The following FLT4 variants were observed in gnomAD, a reference collection of about 807,000 sequenced individuals.
FLT4 encodes the protein vascular endothelial growth factor receptor 3.
In FLT4, 30 loss-of-function variants were observed where a neutral mutation model predicts 163.2. That is an observed-to-expected ratio of 0.18 (90% CI 0.14 to 0.25). The LOEUF is 0.25. Among genes scored for constraint, FLT4 ranks in the 10% least tolerant of loss-of-function variants. The pLI, the probability that FLT4 is intolerant of heterozygous loss-of-function variation, is 1.00. For synonymous variants in FLT4, 884 were observed against 789.5 expected (o/e 1.12, Z -2.01); for missense variants, 1,510 against 1,863.8 (o/e 0.81, Z 3.50).
At chr5:180,610,184 C>A (rs970630938) in intron 27 of FLT4, among the ~76,000 whole-genome samples, 159 bp from the exon 28 acceptor site, 3 of 152,214 alleles carry the variant, frequency 2.0e-5, no homozygotes, top group African/African-American at 7.2e-5. Context: ...GGGGCTCCTC[C>A]GTGTGCCTGG....
chr5:180,633,262 A>G (rs547775714), intron 1 of FLT4, among the ~76,000 whole-genome samples: 1 of 152,158 alleles, frequency 6.6e-6, no homozygotes, highest in Admixed American at 6.5e-5. Context: ...CCTTCCAGGC[A>G]CCACTTCACT....
intron 24 of FLT4, 43 bp downstream of exon 24, chr5:180,614,025 G>A: frequency 7.3e-7 from 1 of 1,375,376 alleles, no homozygotes; most frequent in Admixed American, 1.7e-5. Context: ...TGCCGCCAGT[G>A]ACCTCGCCTC....
At chr5:180,642,401 C>G (rs1283316582) in intron 1 of FLT4, among the ~76,000 whole-genome samples, 1 of 152,076 alleles carries the variant, frequency 6.6e-6, no homozygotes, top group Non-Finnish European at 1.5e-5. Flanking sequence ...TGATTAGGAG[C>G]TTGCTGGCCC....
At chr5:180,618,748 A>T (rs1336666214) in intron 21 of FLT4, 22 bp downstream of exon 21, 1 of 1,579,512 alleles carries the variant, frequency 6.3e-7, no homozygotes, top group Non-Finnish European at 8.6e-7. Context: ...CACTAGGAAA[A>T]GGGAAGAGGC....
intron 22 of FLT4, 36 bp from the exon 23 acceptor site, chr5:180,616,525 G>A (rs377562122): frequency 7.4e-5 from 119 of 1,611,150 alleles, no homozygotes; most frequent in Non-Finnish European, 9.4e-5. Flanking sequence ...GGCTGTCAGT[G>A]CAGGCCCCTG....
intron 29 of FLT4, among the ~76,000 whole-genome samples, chr5:180,607,464 G>C (rs35743545): frequency 0.3 from 45,166 of 151,224 alleles, 6,907 homozygotes; most frequent in Middle Eastern, 0.37. Flanking sequence ...GGCGAAACCC[G>C]GTCTCTACTA....
chr5:180,631,641 T>C (rs1207835045), intron 2 of FLT4, 41 bp downstream of exon 2: 1 of 1,503,476 alleles, frequency 6.7e-7, no homozygotes, highest in South Asian at 1.1e-5. Context: ...CTTGGGCTTG[T>C]GCAGCCTCTC....
Position 180,621,297 on chromosome 5 carries a change from C to T in FLT4, c.2021-45G>A, listed in dbSNP as rs762273019. On this transcript the variant is annotated intron_variant, in intron 13 of 29. Coordinates refer to ENST00000261937, the MANE Select transcript of FLT4 (RefSeq NM_182925.5). Reference sequence around the variant, plus strand: ...GGGAGCTAAGTGGAGCTGCACTTAGCAGGAGGACCCTCTTTGGGCTGGGAG... The same window carrying T: ...GGGAGCTAAGTGGAGCTGCACTTAGTAGGAGGACCCTCTTTGGGCTGGGAG... 1.5e-5 allele frequency: 23 copies of T among 1,585,792 alleles called. No homozygotes were observed. The South Asian group carries it at 2.1e-4, about 15-fold the overall frequency.
chr5:180,616,614 T>A, intron 22 of FLT4, 125 bp from the exon 23 acceptor site: 1 of 1,071,030 alleles, frequency 9.3e-7, no homozygotes, highest in Non-Finnish European at 1.4e-6. Context: ...CTGTGCTCCT[T>A]TGGGGAAGGA....
chr5:180,645,803 T>G (rs1430762176), intron 1 of FLT4, among the ~76,000 whole-genome samples: 3 of 152,150 alleles, frequency 2.0e-5, no homozygotes, highest in Non-Finnish European at 4.4e-5. Flanking sequence ...GAAGCCAGTG[T>G]CTGAAAAGGA....
chr5:180,611,145 G>A lies in FLT4; in HGVS notation c.3686+186C>T, dbSNP rs79234561. 3.1e-3 allele frequency among the ~76,000 whole-genome samples: 469 copies of A among 152,332 alleles called. 5 individuals carry two copies. The highest frequency in any genetic ancestry group is 0.028 in the East Asian group (144 of 5,184). ...GACAGGACTCAAAAACAAGCACGCAGCCAGGCCACACGGCCGTGGAAGGAC... is the reference window on the plus strand; with the variant it reads ...GACAGGACTCAAAAACAAGCACGCAACCAGGCCACACGGCCGTGGAAGGAC... On this transcript the variant is annotated intron_variant, in intron 27 of 29. Coordinates refer to ENST00000261937, the MANE Select transcript of FLT4 (RefSeq NM_182925.5).
intron 18 of FLT4, 31 bp from the exon 19 acceptor site, chr5:180,619,397 C>A: frequency 1.3e-6 from 2 of 1,556,494 alleles, no homozygotes; most frequent in Admixed American, 1.7e-5. Context: ...ACACCGGCCC[C>A]GACCCTGGCA....
In FLT4 at chr5:180,630,666, G is replaced by C. The variant is rs768130578; in HGVS notation, c.289C>G (p.Leu97Val). The C allele has an allele frequency of 6.8e-6, 11 of 1,613,204 alleles. No individual in the cohort carries two copies. In the South Asian group the frequency reaches 1.1e-4, roughly 16 times the overall value. Residue 97 changes from leucine (L) to valine (V), a missense_variant, in exon 3 of 30, where the codon CTG becomes GTG. Physicochemically the swap from Leu to Val is conservative, Grantham distance 32 (BLOSUM62 1). This residue lies in a region of FLT4 where 157 missense variants were observed against 178.7 expected (regional missense o/e 0.88). Coordinates refer to ENST00000261937, the MANE Select transcript of FLT4 (RefSeq NM_182925.5). The surrounding 1 kb of genome is among the most constrained non-coding windows in gnomAD (Gnocchi z 6.3). ...TCGTTGGCATGTACCTCGTGCAGCA[G>C]CAACACCTTGCAGTAGGGCCTGGCG... Reference protein sequence around the residue: ...TDARPYCKVLLLHEVHANDTG... With the variant: ...TDARPYCKVLVLHEVHANDTG...
At chr5:180,641,133 GCTGTGTCCT>G (rs2127862237) in intron 1 of FLT4, among the ~76,000 whole-genome samples, 1 of 152,296 alleles carries the variant, frequency 6.6e-6, no homozygotes, top group East Asian at 1.9e-4. Context: ...GCCCGGTTGG[GCTGTGTCCT>G]CTGTCCTCCC....
intron 26 of FLT4, among the ~76,000 whole-genome samples, chr5:180,612,042 C>G (rs1349430068): frequency 6.6e-6 from 1 of 152,196 alleles, no homozygotes; most frequent in Non-Finnish European, 1.5e-5. Context: ...TTGCTCCAGG[C>G]CCCACCTTGA....
chr5:180,621,649 A>T lies in FLT4; in HGVS notation c.1913T>A (p.Leu638Gln). Residue 638 changes from leucine to glutamine, a missense_variant, in exon 13 of 30, where the codon CTG becomes CAG. By Grantham distance (113) the Leu-to-Gln change is moderately radical (BLOSUM62 -2). This residue lies in a region of FLT4 where 878 missense variants were observed against 1,016.7 expected (regional missense o/e 0.86). Coordinates refer to ENST00000261937, the MANE Select transcript of FLT4 (RefSeq NM_182925.5). Reference protein sequence around the residue: ...APGARHATLSLSIPRVAPEHE... With the variant: ...APGARHATLSQSIPRVAPEHE... ...CTCGGGCGCGACGCGGGGGATACTC[A>T]GGCTGAGCGTGGCGTGGCGCGCCCC... is the stretch of plus-strand genomic sequence containing the variant. 6.2e-7 allele frequency: 1 copy of T among 1,607,838 alleles called. No individual in the cohort carries two copies. Among genetic ancestry groups the T allele is most frequent in the Non-Finnish European group, 8.5e-7 (1 of 1,176,048 alleles).
At chr5:180,643,543 T>C (rs1426918751) in intron 1 of FLT4, among the ~76,000 whole-genome samples, 1 of 151,912 alleles carries the variant, frequency 6.6e-6, no homozygotes, top group Non-Finnish European at 1.5e-5. Flanking sequence ...TGCTCAGGGG[T>C]CAGATGATCT....
chr5:180,610,824 G>A (rs548932169), intron 27 of FLT4, among the ~76,000 whole-genome samples: 2 of 152,308 alleles, frequency 1.3e-5, no homozygotes, highest in Non-Finnish European at 2.9e-5. Flanking sequence ...TTGGGAGGCC[G>A]AGGCAGGCAG....
chr5:180,630,836 G>A lies in FLT4; in HGVS notation c.156-37C>T, dbSNP rs761068280. The A allele has an allele frequency of 6.3e-7, 1 of 1,575,422 alleles. No homozygotes were observed. Among genetic ancestry groups the A allele is most frequent in the Admixed American group, 1.7e-5 (1 of 57,784 alleles). ...CAGGAGTGGTCAGGTGGGCCCCAGGGCAGCCCATGGGGACTGTCCCTGAGA... is the reference window on the plus strand; with the variant it reads ...CAGGAGTGGTCAGGTGGGCCCCAGGACAGCCCATGGGGACTGTCCCTGAGA... On this transcript the variant is annotated intron_variant, in intron 2 of 29. Coordinates refer to ENST00000261937, the MANE Select transcript of FLT4 (RefSeq NM_182925.5). The surrounding 1 kb of genome is among the most constrained non-coding windows in gnomAD (Gnocchi z 6.3).
Sources: gnomAD v4.1 joint callset for allele counts (sites outside exome capture counted in the v4.1 genomes callset) on GRCh38, gnomAD v4.1.1 for gene constraint, gnomAD v4.1.1 regional missense constraint, Gnocchi (gnomAD v3.1) non-coding constraint, MANE v1.5 for transcripts, NCBI Gene and HGNC (gene_info 2026-07-23, HGNC 2026-07-21) for gene names.